The following PIEZO1 variants were observed in gnomAD, a reference collection of about 807,000 sequenced individuals.
PIEZO1 encodes the protein piezo type mechanosensitive ion channel component 1 (Er blood group).
PIEZO1 carries 296 observed loss-of-function variants against 297.2 expected under a neutral mutation model. The observed-to-expected ratio is 1.00, with a 90% confidence interval of 0.91 to 1.10. The LOEUF (loss-of-function observed/expected upper bound fraction) is 1.10. PIEZO1 is among the 50% of genes least tolerant of loss of function. The pLI, the probability that PIEZO1 is intolerant of heterozygous loss-of-function variation, is 0.00. For synonymous variants in PIEZO1, 2,427 were observed against 1,507.5 expected (o/e 1.61, Z -14.13); for missense variants, 5,018 against 3,455.5 (o/e 1.45, Z -11.34).
chr16:88,721,975 C>G lies in PIEZO1; in HGVS notation c.5047G>C (p.Val1683Leu), dbSNP rs909792836. 5 of 1,549,872 alleles carry G rather than the reference C, an allele frequency of 3.2e-6. No individual in the cohort carries two copies. In the African/African-American group the frequency reaches 6.8e-5, roughly 21 times the overall value. ...CAGAGCAGCTCCGAGTGGGCGGCCA[C>G]ACACTGGTACACGGCCCGCAGCAGC... ...LRLLRAVYQC[V>L]AAHSELLCYF... The change falls in exon 37 of 51, where the codon GTG (valine) becomes CTG (leucine). Residue 1683 changes from valine to leucine, a missense_variant. Val to Leu is a conservative substitution (Grantham distance 32). Coordinates refer to ENST00000301015, the MANE Select transcript of PIEZO1 (RefSeq NM_001142864.4).
Position 88,719,659 on chromosome 16 carries a change from G to C in PIEZO1, c.6386C>G (p.Thr2129Ser). ...CATCCAGCTGGACAGGGACAGCGTG[G>C]TGTCCGTCCACACCCAGTCCATCAC... is the stretch of plus-strand genomic sequence containing the variant. ...RAVMDWVWTD[T>S]TLSLSSWMCV... Residue 2129 changes from threonine (T) to serine (S), a missense_variant, in exon 44 of 51, where the codon ACC becomes AGC. By Grantham distance (58) the Thr-to-Ser change is moderately conservative (BLOSUM62 1). Coordinates refer to ENST00000301015, the MANE Select transcript of PIEZO1 (RefSeq NM_001142864.4). 1.3e-6 allele frequency: 2 copies of C among 1,553,944 alleles called. No individual in the cohort carries two copies. The highest frequency in any genetic ancestry group is 1.7e-6 in the Non-Finnish European group (2 of 1,148,926).
chr16:88,774,852 T>C (rs894649114), intron 1 of PIEZO1, among the ~76,000 whole-genome samples: 10 of 152,208 alleles, frequency 6.6e-5, no homozygotes, highest in Admixed American at 2.0e-4. Context: ...CACAGCCTCC[T>C]GGGCGCTGAA....
At chr16:88,718,424 G>A (rs893794941) in intron 44 of PIEZO1, 1 of 152,400 alleles carries the variant, frequency 6.6e-6, no homozygotes, top group Non-Finnish European at 1.5e-5. Flanking sequence ...CGGCGTGCCT[G>A]GCAGCATCAC....
rs1045265301 is a variant in PIEZO1 at position 88,741,620 on chromosome 16, C to T, written c.327-4G>A. 1.1e-5 allele frequency: 17 copies of T among 1,533,566 alleles called. No homozygotes were observed. The African/African-American group carries it at 1.2e-4, about 11-fold the overall frequency. 95.0% of individuals were successfully genotyped at this position (1,533,566 alleles called of 1,614,324 possible). On this transcript the variant is annotated splice_polypyrimidine_tract_variant and splice_region_variant and intron_variant, in intron 4 of 50. Transcript: ENST00000301015. The stretch of plus-strand genomic sequence containing the variant: ...GGGGATGTCCTTCAGGTCCAGCCTG[C>T]GGAGAGCAGGGAGCAGCCGCGGTCA...
intron 2 of PIEZO1, among the ~76,000 whole-genome samples, chr16:88,746,550 G>A (rs1906067935): frequency 6.6e-6 from 1 of 152,126 alleles, no homozygotes; most frequent in South Asian, 2.1e-4. Flanking sequence ...AGGGGACCAA[G>A]GCTCAGATGG....
At chr16:88,774,743 AGGGTACATG>A (rs1907581386) in intron 1 of PIEZO1, among the ~76,000 whole-genome samples, 1 of 152,180 alleles carries the variant, frequency 6.6e-6, no homozygotes, top group African/African-American at 2.4e-5. Flanking sequence ...GAGCACTCTT[AGGGTACATG>A]GGGTTCCCTG....
At position 88,715,785 on chromosome 16, in the gene PIEZO1, G is replaced by C; in HGVS notation, c.7386C>G (p.Ile2462Met). The C allele has an allele frequency of 6.5e-7, 1 of 1,550,352 alleles. No homozygotes were observed. The highest frequency in any genetic ancestry group is 8.7e-7 in the Non-Finnish European group (1 of 1,146,946). The change falls in exon 51 of 51, where the codon ATC becomes ATG. Residue 2462 changes from isoleucine to methionine, a missense_variant. Physicochemically the swap from Ile to Met is conservative, Grantham distance 10. Coordinates refer to ENST00000301015, the MANE Select transcript of PIEZO1 (RefSeq NM_001142864.4). ...GCTCCTCGAACATAATGGAGTGCGA[G>C]ATCTCGCTGAAGAATCCGCGCACGA... ...GKFVRGFFSE[I>M]SHSIMFEELP... is the part of the protein sequence containing the mutation.
chr16:88,725,959 C>T, intron 27 of PIEZO1: 2 of 567,638 alleles, frequency 3.5e-6, no homozygotes, highest in Non-Finnish European at 6.3e-6. Context: ...AAGCCAGAAC[C>T]CCTCCCTGGG....
intron 1 of PIEZO1, among the ~76,000 whole-genome samples, chr16:88,772,202 A>AC (rs1907456665): frequency 6.6e-6 from 1 of 152,172 alleles, no homozygotes; most frequent in South Asian, 2.1e-4. Flanking sequence ...TGCCATTGAG[A>AC]CCCCAGATCC....
chr16:88,723,160 A>G lies in PIEZO1; in HGVS notation c.4439-9T>C, dbSNP rs1904295399. 4 of 1,549,266 alleles carry G rather than the reference A, an allele frequency of 2.6e-6. No individual in the cohort carries two copies. The highest frequency in any genetic ancestry group is 2.6e-6 in the Non-Finnish European group (3 of 1,146,816). On this transcript the variant is annotated splice_polypyrimidine_tract_variant and intron_variant, in intron 32 of 50. Coordinates refer to ENST00000301015, the MANE Select transcript of PIEZO1 (RefSeq NM_001142864.4). Reference sequence around the variant, plus strand: ...CTGGCTGGGACCACCTCCTGGGCACAGGATGCTGGTGAGTGACTGGCAGTC... The same window carrying G: ...CTGGCTGGGACCACCTCCTGGGCACGGGATGCTGGTGAGTGACTGGCAGTC...
Position 88,732,475 on chromosome 16 carries a change from G to C in PIEZO1, c.2851C>G (p.His951Asp), listed in dbSNP as rs1330675396. 32 of 1,549,320 alleles carry C rather than the reference G, an allele frequency of 2.1e-5. No individual in the cohort carries two copies. The highest frequency in any genetic ancestry group is 2.8e-5 in the Non-Finnish European group (32 of 1,146,278). ...GCCAGCTGGTGCTGCCGGCGGTAGT[G>C]CTCCTGGCGCCGGTACACGATGGCC... ...FEAIVYRRQE[H>D]YRRQHQLAPL... Residue 951 changes from histidine to aspartate, a missense_variant, in exon 21 of 51, where the codon CAC becomes GAC. By Grantham distance (81) the His-to-Asp change is moderately conservative. Transcript: ENST00000301015.
At chr16:88,717,556 C>G (rs547603700) in intron 44 of PIEZO1, 2 of 493,692 alleles carry the variant, frequency 4.1e-6, no homozygotes, top group Non-Finnish European at 7.9e-6. Context: ...GATCAAAGAG[C>G]GAAACTTCAG....
At chr16:88,731,466 A>G (rs1376979384) in intron 22 of PIEZO1, 1 of 555,530 alleles carries the variant, frequency 1.8e-6, no homozygotes, top group Non-Finnish European at 3.2e-6. Flanking sequence ...ATATTTCAAG[A>G]TAGAATACTG....
intron 22 of PIEZO1, among the ~76,000 whole-genome samples, chr16:88,729,993 T>C (rs1369375904): frequency 6.6e-6 from 1 of 152,138 alleles, no homozygotes; most frequent in African/African-American, 2.4e-5. Context: ...CGCAGCCGCG[T>C]GGAAGGAGGC....
rs566948237 is a variant in PIEZO1 at position 88,719,643 on chromosome 16, G to A, written c.6402C>T (p.Ser2134=). 2 of 1,553,930 alleles carry A rather than the reference G, an allele frequency of 1.3e-6. No homozygotes were observed. The highest frequency in any genetic ancestry group is 2.4e-5 in the East Asian group (1 of 41,150). The change falls in exon 44 of 51, where the codon TCC becomes TCT. Residue 2134 remains serine, a synonymous_variant. Transcript: ENST00000301015. ...AGATGTCCTCCACACACATCCAGCT[G>A]GACAGGGACAGCGTGGTGTCCGTCC... ...WVWTDTTLSL[S]SWMCVEDIYA... is the part of the protein sequence containing the mutation.
intron 1 of PIEZO1, among the ~76,000 whole-genome samples, chr16:88,762,999 T>C (rs1475087782): frequency 6.6e-6 from 1 of 152,182 alleles, no homozygotes; most frequent in Non-Finnish European, 1.5e-5. Flanking sequence ...CAGCTTTCCA[T>C]GAGCAGCCAT....
intron 1 of PIEZO1, among the ~76,000 whole-genome samples, chr16:88,770,950 T>C (rs8045047): frequency 0.031 from 4,769 of 152,278 alleles, 185 homozygotes; most frequent in African/African-American, 0.096. Context: ...TGCCGTCACA[T>C]GCCCTGAGCG....
intron 44 of PIEZO1, 93 bp downstream of exon 44, chr16:88,719,481 A>G (rs1392690786): frequency 5.5e-6 from 7 of 1,269,616 alleles, no homozygotes; most frequent in Non-Finnish European, 7.7e-6. Context: ...GAGGGCCTCC[A>G]GCACCACGGG....
At chr16:88,764,217 G>A (rs115292358) in intron 1 of PIEZO1, among the ~76,000 whole-genome samples, 2,243 of 152,240 alleles carry the variant, frequency 0.015, 55 homozygotes, top group African/African-American at 0.051. Flanking sequence ...CTTGAGACAC[G>A]GGGTCTCGGC....
Sources: allele counts gnomAD v4.1 joint callset (sites outside exome capture counted in the v4.1 genomes callset), GRCh38; gene constraint gnomAD v4.1.1; transcripts MANE v1.5; gene names NCBI Gene and HGNC (gene_info 2026-07-23, HGNC 2026-07-21).